PCDH11X: variants seen among roughly 807,000 people sequenced by gnomAD.
PCDH11X encodes the protein protocadherin 11 X-linked, also known as protocadherin-11 X-linked.
A neutral mutation model predicts 53.3 loss-of-function variants in PCDH11X; 18 were observed. The observed-to-expected ratio is 0.34, with a 90% confidence interval of 0.23 to 0.50. PCDH11X has a LOEUF of 0.50. Among genes scored for constraint, PCDH11X ranks in the 20% least tolerant of loss-of-function variants. The pLI is 0.98. For missense variants in PCDH11X, 570 were observed against 1,032.4 expected (o/e 0.55, Z 6.14); for synonymous variants, 279 against 393.3 (o/e 0.71, Z 3.44).
chrX:92,277,655 AGAAATAAGGGGTCAGGGCATG>A (rs1245747228), intron 8 of PCDH11X, among the ~76,000 whole-genome samples: 18 of 108,081 alleles, frequency 1.7e-4, no homozygotes, highest in African/African-American at 6.1e-4. Context: ...GATGGGGCAC[AGAAATAAGGGGTCAGGGCATG>A]GAAATAAGGG....
chrX:92,309,319 A>G (rs1345289773), intron 8 of PCDH11X, among the ~76,000 whole-genome samples: 3 of 112,103 alleles, frequency 2.7e-5, no homozygotes, highest in Admixed American at 9.5e-5. Flanking sequence ...TTAAAAAATG[A>G]GGGAAATTCT....
intron 6 of PCDH11X, among the ~76,000 whole-genome samples, chrX:92,084,470 C>T (rs1479202464): frequency 9.4e-6 from 1 of 106,342 alleles, no homozygotes; most frequent in Non-Finnish European, 1.9e-5. Context: ...TCGCTTGAAC[C>T]CGGGAAGCAG....
chrX:92,461,437 G>T (rs1414910913), intron 9 of PCDH11X, among the ~76,000 whole-genome samples: 1 of 111,231 alleles, frequency 9.0e-6, no homozygotes, highest in African/African-American at 3.3e-5. Context: ...TGACAAAGGC[G>T]CCAGGAATAT....
intron 6 of PCDH11X, among the ~76,000 whole-genome samples, chrX:92,186,542 G>A (rs1342735066): frequency 2.8e-5 from 3 of 108,555 alleles, no homozygotes. Flanking sequence ...GCAGAAGAAC[G>A]GCTTGAACCC....
intron 6 of PCDH11X, among the ~76,000 whole-genome samples, chrX:92,130,960 G>T (rs2064961341): frequency 9.2e-6 from 1 of 108,397 alleles, no homozygotes; most frequent in Admixed American, 1.0e-4. Context: ...ATGGAAATAT[G>T]TAAAAAAAAA....
intron 6 of PCDH11X, among the ~76,000 whole-genome samples, chrX:92,036,715 T>A (rs1441407172): frequency 1.8e-5 from 2 of 110,854 alleles, no homozygotes; most frequent in Non-Finnish European, 3.8e-5. Flanking sequence ...TACCCGAAAA[T>A]GTGGAAGCAA....
chrX:91,939,561 T>C (rs908601415), intron 6 of PCDH11X, among the ~76,000 whole-genome samples: 6 of 108,544 alleles, frequency 5.5e-5, no homozygotes, highest in African/African-American at 2.0e-4. Context: ...AATAATCAAA[T>C]TGCTCAAACT....
At position 91,835,320 on chromosome X, in the gene PCDH11X, C is replaced by T. The variant is rs759431371; in HGVS notation, c.-44-141C>T. On this transcript the variant is annotated intron_variant, in intron 4 of 10. Coordinates refer to ENST00000682573, the MANE Select transcript of PCDH11X (RefSeq NM_032968.5). Reference sequence around the variant, plus strand: ...AATATTTGATTCAGAACAAATTTATCACTAATTAACAGAGTGTCAATTATG... The same window carrying T: ...AATATTTGATTCAGAACAAATTTATTACTAATTAACAGAGTGTCAATTATG... 1.7e-5 allele frequency: 20 copies of T among 1,179,805 alleles called. No individual in the cohort carries two copies. In the South Asian group the frequency reaches 3.5e-4, roughly 20 times the overall value.
chrX:92,294,626 T>C (rs1311748654), intron 8 of PCDH11X, among the ~76,000 whole-genome samples: 2 of 111,367 alleles, frequency 1.8e-5, no homozygotes, highest in African/African-American at 6.5e-5. Context: ...TTATACATTT[T>C]AGGAGCTGTG....
intron 6 of PCDH11X, among the ~76,000 whole-genome samples, chrX:92,025,928 T>C (rs1239123459): frequency 4.6e-5 from 5 of 109,834 alleles, no homozygotes; most frequent in Non-Finnish European, 9.5e-5. Context: ...GCCATTACTT[T>C]AGCAAACTAA....
chrX:91,940,039 G>T (rs1167042942), intron 6 of PCDH11X, among the ~76,000 whole-genome samples: 1 of 110,885 alleles, frequency 9.0e-6, no homozygotes, highest in Non-Finnish European at 1.9e-5. Context: ...GGCCTGGTGG[G>T]AGGTGATTGG....
intron 8 of PCDH11X, among the ~76,000 whole-genome samples, chrX:92,321,194 G>T (rs199878257): frequency 0.18 from 13,458 of 76,535 alleles, 925 homozygotes; most frequent in East Asian, 0.37. Context: ...GTTTTTTTTT[G>T]TTTTTTTTTT....
At chrX:92,590,974 C>T (rs760086770) in intron 10 of PCDH11X, among the ~76,000 whole-genome samples, 6 of 110,940 alleles carry the variant, frequency 5.4e-5, no homozygotes, top group African/African-American at 2.0e-4. Context: ...GGTCCCTCCT[C>T]ACTTTGAATG....
At chrX:91,805,815 G>C (rs1005921356) in intron 1 of PCDH11X, among the ~76,000 whole-genome samples, 1 of 108,709 alleles carries the variant, frequency 9.2e-6, no homozygotes, top group East Asian at 2.8e-4. Context: ...GGCAGAGTGA[G>C]AGCCTGTTGC....
chrX:92,258,291 G>A (rs1243718762), intron 7 of PCDH11X, among the ~76,000 whole-genome samples: 1 of 110,489 alleles, frequency 9.1e-6, no homozygotes, highest in Non-Finnish European at 1.9e-5. Context: ...CGGTGAAGGT[G>A]TCTGAAATGC....
At chrX:92,298,886 C>A (rs1455682140) in intron 8 of PCDH11X, among the ~76,000 whole-genome samples, 2 of 111,611 alleles carry the variant, frequency 1.8e-5, no homozygotes, top group East Asian at 5.7e-4. Context: ...AGCTTATATA[C>A]CTTCTAAGCT....
intron 4 of PCDH11X, among the ~76,000 whole-genome samples, chrX:91,822,142 G>T (rs1323916119): frequency 6.4e-5 from 7 of 109,747 alleles, no homozygotes; most frequent in African/African-American, 2.4e-4. Flanking sequence ...TCTCTTTTTT[G>T]GTTGTGTCTC....
intron 7 of PCDH11X, among the ~76,000 whole-genome samples, chrX:92,250,113 C>T (rs1257540484): frequency 9.0e-6 from 1 of 111,391 alleles, no homozygotes. Flanking sequence ...TTTTTCAACC[C>T]TTTGAAAGGA....
At chrX:92,250,332 T>A (rs2148396846) in intron 7 of PCDH11X, among the ~76,000 whole-genome samples, 1 of 110,668 alleles carries the variant, frequency 9.0e-6, no homozygotes, top group Non-Finnish European at 1.9e-5. Context: ...GGAAAACTCA[T>A]ACATCATTGG....
Sources: gnomAD v4.1 joint callset for allele counts (sites outside exome capture counted in the v4.1 genomes callset) on GRCh38, gnomAD v4.1.1 for gene constraint, MANE v1.5 for transcripts, NCBI Gene and HGNC (gene_info 2026-07-23, HGNC 2026-07-21) for gene names.